Variants in STXBP5L observed in about 807,000 individuals in gnomAD.
STXBP5L encodes the protein syntaxin-binding protein 5-like.
In STXBP5L, 65 loss-of-function variants were observed where a neutral mutation model predicts 144.5. The observed-to-expected ratio is 0.45, with a 90% CI of 0.37 to 0.55. STXBP5L has a LOEUF of 0.55. Ranked by LOEUF, STXBP5L falls within the 20% of genes least tolerant of loss-of-function variation. The pLI, the probability that STXBP5L is intolerant of heterozygous loss-of-function variation, is 0.00. For synonymous variants in STXBP5L, 505 were observed against 469.6 expected (o/e 1.08, Z -0.97); for missense variants, 1,298 against 1,405.5 (o/e 0.92, Z 1.22).
At chr3:121,044,323 A>G (rs1051757928) in intron 4 of STXBP5L, among the ~76,000 whole-genome samples, 8 of 152,150 alleles carry the variant, frequency 5.3e-5, no homozygotes, top group South Asian at 2.1e-4. Context: ...CATAGGATAC[A>G]TGAGCATTTT....
chr3:121,394,148 G>C (rs2046665020), intron 22 of STXBP5L, among the ~76,000 whole-genome samples: 1 of 152,032 alleles, frequency 6.6e-6, no homozygotes, highest in Non-Finnish European at 1.5e-5. Flanking sequence ...TCACCTCCTT[G>C]ATTAATGTAT....
chr3:121,324,465 C>T (rs564891064), intron 20 of STXBP5L: 3 of 668,528 alleles, frequency 4.5e-6, no homozygotes, highest in African/African-American at 3.6e-5. Flanking sequence ...GTACTCCATG[C>T]CAATAGTTTT....
At position 121,300,412 on chromosome 3, in the gene STXBP5L, T is replaced by A. The variant is rs541371183; in HGVS notation, c.2111-18063T>A. Among the ~76,000 whole-genome samples the A allele has an allele frequency of 2.4e-3, 360 of 152,300 alleles. 1 individual carries two copies. The highest frequency in any genetic ancestry group is 3.6e-3 in the Non-Finnish European group (242 of 68,016). On this transcript the variant is annotated intron_variant, in intron 19 of 26. Transcript: ENST00000471454. ...ATTTTGTCTTTCCGTAAACTCTGTGTTACTCTTTCAGAAGTAACAATGTAT... is the reference window on the plus strand; with the variant it reads ...ATTTTGTCTTTCCGTAAACTCTGTGATACTCTTTCAGAAGTAACAATGTAT...
chr3:121,004,850 C>T (rs1017913774), intron 3 of STXBP5L, among the ~76,000 whole-genome samples: 42 of 152,068 alleles, frequency 2.8e-4, no homozygotes, highest in African/African-American at 7.7e-4. Flanking sequence ...TGCTGGATTA[C>T]GTTTATTGAT....
At chr3:120,990,667 A>G (rs966800792) in intron 3 of STXBP5L, among the ~76,000 whole-genome samples, 6 of 152,218 alleles carry the variant, frequency 3.9e-5, no homozygotes, top group African/African-American at 1.4e-4. Context: ...GCCCTCAGAA[A>G]TAATGCCGGA....
At chr3:120,945,634 C>T (rs765401517) in intron 2 of STXBP5L, among the ~76,000 whole-genome samples, 1 of 151,714 alleles carries the variant, frequency 6.6e-6, no homozygotes, top group South Asian at 2.1e-4. Flanking sequence ...CCATGCCAAG[C>T]CATGTATGCA....
intron 7 of STXBP5L, among the ~76,000 whole-genome samples, chr3:121,134,915 A>T (rs1481261347): frequency 6.6e-6 from 1 of 152,234 alleles, no homozygotes; most frequent in Non-Finnish European, 1.5e-5. Context: ...CTTTGGGTAT[A>T]TACCCAGTAA....
intron 9 of STXBP5L, among the ~76,000 whole-genome samples, chr3:121,159,797 T>C (rs1312777426): frequency 8.1e-6 from 1 of 122,828 alleles, no homozygotes; most frequent in Non-Finnish European, 1.6e-5. Flanking sequence ...GCCCGGCTAA[T>C]TTTTTTTTGT....
chr3:121,306,637 T>G (rs2043346518), intron 19 of STXBP5L, among the ~76,000 whole-genome samples: 1 of 152,136 alleles, frequency 6.6e-6, no homozygotes, highest in South Asian at 2.1e-4. Flanking sequence ...CAAGCCTAAG[T>G]GTGCTCTCAA....
At position 121,378,753 on chromosome 3, in the gene STXBP5L, G is replaced by A. The variant is rs2108678658; in HGVS notation, c.2214G>A (p.Gln738=). ...VNGHCTSPTS[Q]SCSSGKRLSS... is the part of the protein sequence containing the mutation. ...GACACTGCACAAGTCCAACTTCTCAGAGTTGCAGTTCTGGAAAACGTCTTT... is the reference window on the plus strand; with the variant it reads ...GACACTGCACAAGTCCAACTTCTCAAAGTTGCAGTTCTGGAAAACGTCTTT... The change falls in exon 21 of 27, where the codon CAG becomes CAA. Residue 738 remains glutamine, a synonymous_variant. Transcript: ENST00000471454. 1 of 1,613,680 alleles carries A rather than the reference G, an allele frequency of 6.2e-7. No individual in the cohort carries two copies. Among genetic ancestry groups the A allele is most frequent in the Non-Finnish European group, 8.5e-7 (1 of 1,179,802 alleles).
chr3:121,069,433 C>G (rs547665097), intron 5 of STXBP5L, among the ~76,000 whole-genome samples: 2 of 151,890 alleles, frequency 1.3e-5, no homozygotes, highest in South Asian at 4.2e-4. Flanking sequence ...GAACTTATTA[C>G]AAGTAAAGCT....
At chr3:120,999,751 C>G (rs1303654678) in intron 3 of STXBP5L, among the ~76,000 whole-genome samples, 1 of 152,014 alleles carries the variant, frequency 6.6e-6, no homozygotes, top group Non-Finnish European at 1.5e-5. Flanking sequence ...TTAAAGAGCT[C>G]TTGTAAGGCA....
intron 9 of STXBP5L, among the ~76,000 whole-genome samples, chr3:121,189,903 TAATC>T (rs1416234202): frequency 4.6e-5 from 7 of 152,200 alleles, no homozygotes; most frequent in African/African-American, 9.7e-5. Flanking sequence ...AGTACATTCA[TAATC>T]AATCTCTCAT....
intron 20 of STXBP5L, among the ~76,000 whole-genome samples, chr3:121,367,595 G>GTT (rs57288480): frequency 0.048 from 2,471 of 51,362 alleles, 552 homozygotes; most frequent in Non-Finnish European, 0.062. Flanking sequence ...TTCGACTCTT[G>GTT]TTTTTTTTTT....
At chr3:120,985,232 T>C (rs1412267987) in intron 3 of STXBP5L, among the ~76,000 whole-genome samples, 1 of 152,068 alleles carries the variant, frequency 6.6e-6, no homozygotes, top group African/African-American at 2.4e-5. Context: ...TTGAGAAGGA[T>C]TGGTTTTAAT....
At chr3:121,184,648 A>G (rs927211225) in intron 9 of STXBP5L, among the ~76,000 whole-genome samples, 3 of 152,156 alleles carry the variant, frequency 2.0e-5, no homozygotes, top group African/African-American at 7.2e-5. Flanking sequence ...TCTTCAGGAT[A>G]TTATCCAGGA....
At chr3:121,299,559 A>T (rs1046029262) in intron 19 of STXBP5L, among the ~76,000 whole-genome samples, 3 of 152,150 alleles carry the variant, frequency 2.0e-5, no homozygotes, top group African/African-American at 7.2e-5. Flanking sequence ...TGATCCAAAC[A>T]GAAGCACAGA....
chr3:121,306,615 T>C (rs1228991992), intron 19 of STXBP5L, among the ~76,000 whole-genome samples: 1 of 151,970 alleles, frequency 6.6e-6, no homozygotes, highest in Non-Finnish European at 1.5e-5. Context: ...TATGAAACAG[T>C]GTGGGAAAGT....
At chr3:120,921,318 ATTAT>A (rs1709349128) in intron 2 of STXBP5L, among the ~76,000 whole-genome samples, 1 of 151,446 alleles carries the variant, frequency 6.6e-6, no homozygotes, top group South Asian at 2.1e-4. Flanking sequence ...TAAAACTCAG[ATTAT>A]TTATTTATTT....
Sources: gnomAD v4.1 joint callset for allele counts (sites outside exome capture counted in the v4.1 genomes callset) on GRCh38, gnomAD v4.1.1 for gene constraint, MANE v1.5 for transcripts, NCBI Gene and HGNC (gene_info 2026-07-23, HGNC 2026-07-21) for gene names.